MSL2: variants seen among roughly 807,000 people sequenced by gnomAD.
The protein encoded by MSL2 is E3 ubiquitin-protein ligase MSL2.
Under a neutral mutation model 35.8 loss-of-function variants are expected in MSL2, and 2 were observed. The observed-to-expected ratio is 0.06, with a 90% CI of 0.02 to 0.18. The LOEUF (loss-of-function observed/expected upper bound fraction) is 0.18. Among genes scored for constraint, MSL2 ranks in the 10% least tolerant of loss-of-function variants. The pLI, the probability that MSL2 is intolerant of heterozygous loss-of-function variation, is 1.00. For missense variants in MSL2, 523 were observed against 706.7 expected (o/e 0.74, Z 2.95); for synonymous variants, 296 against 255.7 (o/e 1.16, Z -1.50).
chr3:136,183,063 C>T (rs908384063), intron 1 of MSL2, among the ~76,000 whole-genome samples: 12 of 152,168 alleles, frequency 7.9e-5, no homozygotes, highest in Middle Eastern at 3.4e-3. Flanking sequence ...CATCCCAGAA[C>T]GAAGCTCAAG....
At chr3:136,164,103 T>G (rs967320219) in intron 1 of MSL2, among the ~76,000 whole-genome samples, 2 of 152,194 alleles carry the variant, frequency 1.3e-5, no homozygotes, top group Non-Finnish European at 2.9e-5. Context: ...CAAAATCAGT[T>G]TCAGGATATT....
At chr3:136,153,181 C>T (rs1433943792) in intron 1 of MSL2, 1 of 492,708 alleles carries the variant, frequency 2.0e-6, no homozygotes, top group Non-Finnish European at 2.6e-6. Context: ...CTACGGTGAA[C>T]TATGATCTTG....
rs145034942 is a variant in MSL2 at position 136,154,570 on chromosome 3, G to GA, written c.143-1833dup. The stretch of plus-strand genomic sequence containing the variant: ...CACAACAGAAATTAGAAATCAGTGG[G>GA]AAAAAAAAAAATGAGAAAAATCCCC... On this transcript the variant is annotated intron_variant, in intron 1 of 1. Transcript: ENST00000309993. 3.5e-3 allele frequency among the ~76,000 whole-genome samples: 514 copies of GA among 145,220 alleles called. 6 individuals carry two copies. The highest frequency in any genetic ancestry group is 0.011 in the African/African-American group (452 of 40,046).
At chr3:136,172,602 G>A (rs531947715) in intron 1 of MSL2, among the ~76,000 whole-genome samples, 4 of 151,994 alleles carry the variant, frequency 2.6e-5, no homozygotes, top group Non-Finnish European at 4.4e-5. Context: ...CACTGTCTCC[G>A]TCATCTCCTC....
intron 1 of MSL2, among the ~76,000 whole-genome samples, chr3:136,183,664 GTTATT>G (rs1228718585): frequency 1.3e-5 from 2 of 152,128 alleles, no homozygotes; most frequent in African/African-American, 4.8e-5. Context: ...TAAAATGGTA[GTTATT>G]TTAACTATAT....
chr3:136,174,308 CTG>C (rs1940108390), intron 1 of MSL2, among the ~76,000 whole-genome samples: 1 of 152,172 alleles, frequency 6.6e-6, no homozygotes, highest in Non-Finnish European at 1.5e-5. Flanking sequence ...GATTACATAA[CTG>C]GGTACTAGCA....
chr3:136,195,594 C>T lies in MSL2; in HGVS notation c.-481G>A. 7.1e-6 allele frequency: 7 copies of T among 987,264 alleles called. No individual in the cohort carries two copies. The highest frequency in any genetic ancestry group is 8.4e-6 in the Non-Finnish European group (7 of 831,180). 61.2% of individuals were successfully genotyped at this position (987,264 alleles called of 1,614,324 possible). On this transcript the variant is annotated 5_prime_UTR_variant, in exon 1 of 2. Transcript: ENST00000309993. ...CAGGGCCTCTTACTCCATCCCAGTA[C>T]AGGGCGCGGAGGCGGCGGCGACGGC...
At chr3:136,164,898 G>A (rs1178197191) in intron 1 of MSL2, among the ~76,000 whole-genome samples, 3 of 149,766 alleles carry the variant, frequency 2.0e-5, no homozygotes, top group Admixed American at 1.3e-4. Context: ...TTTTTGAGTC[G>A]AAGTCTCGCT....
chr3:136,154,322 G>A (rs755465604), intron 1 of MSL2, among the ~76,000 whole-genome samples: 12 of 152,028 alleles, frequency 7.9e-5, no homozygotes, highest in Non-Finnish European at 1.6e-4. Context: ...TCCTAACTGC[G>A]ACAATACAGT....
At chr3:136,181,499 G>T (rs996273592) in intron 1 of MSL2, among the ~76,000 whole-genome samples, 1 of 152,100 alleles carries the variant, frequency 6.6e-6, no homozygotes, top group African/African-American at 2.4e-5. Context: ...AGTAACAGAA[G>T]TCCTTTCACT....
Position 136,196,072 on chromosome 3 carries a change from C to G in MSL2, c.-959G>C, listed in dbSNP as rs1022341397. ...CGGCCGCGGAAGGCAAGCGCTCACA[C>G]CGCCAGGCCCCGCCGCCGCCCAGCG... is the stretch of plus-strand genomic sequence containing the variant. On this transcript the variant is annotated 5_prime_UTR_variant, in exon 1 of 2. Coordinates refer to ENST00000309993, the MANE Select transcript of MSL2 (RefSeq NM_018133.4). 2 of 155,896 alleles carry G rather than the reference C, an allele frequency of 1.3e-5. No homozygotes were observed. The highest frequency in any genetic ancestry group is 1.8e-4 in the South Asian group (1 of 5,614). The allele number at this position is 155,896 out of a possible 1,614,324, so 9.7% of individuals were successfully genotyped here. A position where few individuals can be genotyped will look rare whatever the true frequency, so the allele number is the denominator to read the frequency against.
intron 1 of MSL2, among the ~76,000 whole-genome samples, chr3:136,172,135 G>A (rs576707148): frequency 4.6e-5 from 7 of 151,598 alleles, no homozygotes; most frequent in South Asian, 2.1e-4. Context: ...TTCTATAAAC[G>A]TGACAAAATA....
Position 136,185,138 on chromosome 3 carries a change from C to T in MSL2, c.142+9834G>A, listed in dbSNP as rs139546716. ...TACAGGCATGCGCCACCACACCCGGCTTATTTTTTGTATTTTTAATAGAGA... is the reference window on the plus strand; with the variant it reads ...TACAGGCATGCGCCACCACACCCGGTTTATTTTTTGTATTTTTAATAGAGA... On this transcript the variant is annotated intron_variant, in intron 1 of 1. Transcript: ENST00000309993. Among the ~76,000 whole-genome samples, 1,138 of 152,046 alleles carry T rather than the reference C, an allele frequency of 7.5e-3. 18 individuals carry two copies. The highest frequency in any genetic ancestry group is 0.026 in the African/African-American group (1,074 of 41,466).
At position 136,180,098 on chromosome 3, in the gene MSL2, T is replaced by C. The variant is rs144488051; in HGVS notation, c.142+14874A>G. The stretch of plus-strand genomic sequence containing the variant: ...AATAAAAAATAAAAATAAAATGGCA[T>C]GCCCTGTTTGTAAACTCATGAATGT... On this transcript the variant is annotated intron_variant, in intron 1 of 1. Coordinates refer to ENST00000309993, the MANE Select transcript of MSL2 (RefSeq NM_018133.4). Among the ~76,000 whole-genome samples the C allele has an allele frequency of 2.6e-5, 4 of 152,200 alleles. No homozygotes were observed. In the East Asian group the frequency reaches 7.7e-4, roughly 29 times the overall value.
At chr3:136,192,362 A>G (rs1324868502) in intron 1 of MSL2, among the ~76,000 whole-genome samples, 1 of 152,106 alleles carries the variant, frequency 6.6e-6, no homozygotes, top group African/African-American at 2.4e-5. Context: ...TATTTTTAGT[A>G]GAGATGGGGT....
chr3:136,188,844 A>C (rs944261363), intron 1 of MSL2, among the ~76,000 whole-genome samples: 29 of 151,848 alleles, frequency 1.9e-4, no homozygotes, highest in African/African-American at 7.0e-4. Context: ...CTACAGTACC[A>C]TACTGCCTGC....
In MSL2 at chr3:136,152,723, T is replaced by C; in HGVS notation, c.158A>G (p.Asp53Gly). 6.2e-7 allele frequency: 1 copy of C among 1,613,812 alleles called. No individual in the cohort carries two copies. The highest frequency in any genetic ancestry group is 8.5e-7 in the Non-Finnish European group (1 of 1,179,774). The change falls in exon 2 of 2, where the codon GAT (aspartate) becomes GGT (glycine). Residue 53 changes from aspartate to glycine, a missense_variant. By Grantham distance (94) the Asp-to-Gly change is moderately conservative (BLOSUM62 -1). Transcript: ENST00000309993. ...SCCVCGHLLQ[D>G]PIAPTNSTCQ... ...GGTGGAGTTGGTGGGTGCAATAGGA[T>C]CTTGTAGCAAATGTCCTAAGGGGGA... is the stretch of plus-strand genomic sequence containing the variant.
intron 1 of MSL2, among the ~76,000 whole-genome samples, chr3:136,163,233 T>G (rs1477659880): frequency 6.6e-6 from 1 of 152,214 alleles, no homozygotes; most frequent in Non-Finnish European, 1.5e-5. Flanking sequence ...CACTCCAACC[T>G]GGGCAACAGA....
Position 136,195,574 on chromosome 3 carries a change from CCT to C in MSL2, c.-463_-462del. The C allele has an allele frequency of 1.0e-6, 1 of 996,284 alleles. No individual in the cohort carries two copies. The highest frequency in any genetic ancestry group is 1.2e-6 in the Non-Finnish European group (1 of 837,160). The allele number at this position is 996,284 out of a possible 1,614,324, so 61.7% of individuals were successfully genotyped here. A position where few individuals can be genotyped will look rare whatever the true frequency, so the allele number is the denominator to read the frequency against. On this transcript the variant is annotated 5_prime_UTR_variant, in exon 1 of 2. Coordinates refer to ENST00000309993, the MANE Select transcript of MSL2 (RefSeq NM_018133.4). ...GGCACGCTTCTCCCGGGCTGCAGGG[CCT>C]CTTACTCCATCCCAGTACAGGGCGC...
Sources: gnomAD v4.1 joint callset for allele counts (sites outside exome capture counted in the v4.1 genomes callset) on GRCh38, gnomAD v4.1.1 for gene constraint, MANE v1.5 for transcripts, NCBI Gene and HGNC (gene_info 2026-07-23, HGNC 2026-07-21) for gene names.